Variants in GSTA2 observed in about 807,000 individuals in gnomAD.
GSTA2 encodes the protein glutathione S-transferase A2.
GSTA2 carries 27 observed loss-of-function variants against 22.4 expected under a neutral mutation model. The observed-to-expected ratio is 1.21, with a 90% confidence interval of 0.89 to 1.67. The LOEUF (loss-of-function observed/expected upper bound fraction) is 1.67. Among genes scored for constraint, GSTA2 ranks in the 40% most tolerant of loss-of-function variants. The pLI, the probability that GSTA2 is intolerant of heterozygous loss-of-function variation, is 0.00. For synonymous variants in GSTA2, 121 were observed against 86.8 expected, an observed-to-expected ratio of 1.39 and a Z score of -2.19; for missense variants, 302 against 260.2, an observed-to-expected ratio of 1.16 and a Z score of -1.11.
At chr6:52,758,571 G>A (rs1339934175) in intron 1 of GSTA2, among the ~76,000 whole-genome samples, 3 of 152,186 alleles carry the variant, frequency 2.0e-5, no homozygotes, top group Admixed American at 2.0e-4. Flanking sequence ...CACTGACAGG[G>A]AGGACCGGCT....
chr6:52,751,859 T>G, intron 5 of GSTA2, 151 bp from the exon 6 acceptor site: 1 of 1,129,724 alleles, frequency 8.9e-7, no homozygotes, highest in Non-Finnish European at 1.3e-6. Flanking sequence ...ATTATCTGAA[T>G]GAATGAGATA....
At chr6:52,757,593 T>C (rs1194010796) in intron 2 of GSTA2, among the ~76,000 whole-genome samples, 2 of 152,226 alleles carry the variant, frequency 1.3e-5, no homozygotes, top group African/African-American at 4.8e-5. Context: ...ATGCCATAAA[T>C]TATTTTTTAC....
rs1271215122 is a variant in GSTA2 at position 52,754,984 on chromosome 6, G to C, written c.231C>G (p.Ser77Arg). The C allele has an allele frequency of 6.2e-6, 10 of 1,614,032 alleles. No homozygotes were observed. The highest frequency in any genetic ancestry group is 1.1e-5 in the South Asian group (1 of 91,078). The part of the protein sequence containing the change: ...QTRAILNYIA[S>R]KYNLYGKDIK... ...TGTCTTTCCCATAGAGGTTGTATTT[G>C]CTGGCAATGTAGTTGAGAATGGCTC... Residue 77 changes from serine (S) to arginine (R), a missense_variant, in exon 4 of 7, where the codon AGC becomes AGG. Ser to Arg is a moderately radical substitution (Grantham distance 110). Coordinates refer to ENST00000493422, the MANE Select transcript of GSTA2 (RefSeq NM_000846.5).
At chr6:52,762,123 C>G (rs1223619419) in intron 1 of GSTA2, among the ~76,000 whole-genome samples, 1 of 148,554 alleles carries the variant, frequency 6.7e-6, no homozygotes, top group Non-Finnish European at 1.5e-5. Flanking sequence ...CAAAACACTG[C>G]GGAAGGCCGC....
In GSTA2 at chr6:52,752,995, C is replaced by A; in HGVS notation, c.273G>T (p.Leu91=). 6.3e-7 allele frequency: 1 copy of A among 1,587,122 alleles called. No individual in the cohort carries two copies. The highest frequency in any genetic ancestry group is 8.6e-7 in the Non-Finnish European group (1 of 1,168,250). Residue 91 remains leucine (L), a splice_region_variant and synonymous_variant, in exon 5 of 7, where the codon CTG becomes CTT. Coordinates refer to ENST00000493422, the MANE Select transcript of GSTA2 (RefSeq NM_000846.5). ...CTATACCTTCTATATACATATCAAT[C>A]CTGAAAGACAAAAACAACCAAATGG... ...LYGKDIKEKA[L]IDMYIEGIAD...
At chr6:52,756,430 A>G (rs1561895773) in intron 2 of GSTA2, 121 bp from the exon 3 acceptor site, 3 of 785,810 alleles carry the variant, frequency 3.8e-6, no homozygotes, top group Non-Finnish European at 4.3e-6. Flanking sequence ...TTGGCAGGGT[A>G]CACAGAGGGG....
At chr6:52,755,214 A>AAT (rs1762817705) in intron 3 of GSTA2, 139 bp from the exon 4 acceptor site, 50 of 873,956 alleles carry the variant, frequency 5.7e-5, no homozygotes, top group Middle Eastern at 2.8e-4. Flanking sequence ...ACTTGAAACA[A>AAT]CTTTTTTTTT....
At chr6:52,759,161 A>T (rs1304597444) in intron 1 of GSTA2, among the ~76,000 whole-genome samples, 1 of 152,218 alleles carries the variant, frequency 6.6e-6, no homozygotes, top group African/African-American at 2.4e-5. Context: ...GTAATGTTTC[A>T]TGAGTTGTTA....
intron 4 of GSTA2, among the ~76,000 whole-genome samples, chr6:52,753,386 G>C (rs984228073): frequency 4.6e-5 from 7 of 152,122 alleles, no homozygotes; most frequent in African/African-American, 1.7e-4. Flanking sequence ...AACTTAGTGT[G>C]AGTCAAATGG....
intron 2 of GSTA2, 38 bp from the exon 3 acceptor site, chr6:52,756,347 A>G (rs767126844): frequency 1.1e-5 from 17 of 1,483,310 alleles, no homozygotes; most frequent in East Asian, 2.3e-5. Flanking sequence ...TTGTTAGTTC[A>G]TTCTATTATA....
intron 3 of GSTA2, 23 bp from the exon 4 acceptor site, chr6:52,755,098 G>T: frequency 6.2e-7 from 1 of 1,613,816 alleles, no homozygotes; most frequent in Non-Finnish European, 8.5e-7. Context: ...GAAAAAAAAG[G>T]AGAGTGAAGT....
chr6:52,758,311 G>A (rs1263917445), intron 1 of GSTA2, among the ~76,000 whole-genome samples: 52 of 152,176 alleles, frequency 3.4e-4, no homozygotes, highest in Non-Finnish European at 1.2e-4. Context: ...AAACTTCCTA[G>A]TGATCCTTCC....
At chr6:52,753,803 C>G (rs901743515) in intron 4 of GSTA2, among the ~76,000 whole-genome samples, 9 of 152,160 alleles carry the variant, frequency 5.9e-5, no homozygotes, top group Non-Finnish European at 1.3e-4. Flanking sequence ...TAAAAATAAT[C>G]ACAGTCTAAT....
At chr6:52,756,045 T>C (rs1167172577) in intron 3 of GSTA2, among the ~76,000 whole-genome samples, 1 of 152,146 alleles carries the variant, frequency 6.6e-6, no homozygotes, top group African/African-American at 2.4e-5. Flanking sequence ...ATTGTTCCTC[T>C]AGCAAATACT....
At position 52,750,104 on chromosome 6, in the gene GSTA2, T is replaced by A. The variant is rs1403965986; in HGVS notation, c.*473A>T. Reference sequence around the variant, plus strand: ...CAGAATCGTTGTTTTGCAAATGCATTAGAAAGAATGCTTTTATCAGAAATA... The same window carrying A: ...CAGAATCGTTGTTTTGCAAATGCATAAGAAAGAATGCTTTTATCAGAAATA... On this transcript the variant is annotated 3_prime_UTR_variant, in exon 7 of 7. Transcript: ENST00000493422. 1.3e-5 allele frequency: 2 copies of A among 156,490 alleles called. No individual in the cohort carries two copies. The highest frequency in any genetic ancestry group is 4.8e-5 in the African/African-American group (2 of 41,460). 9.7% of individuals were successfully genotyped at this position (156,490 alleles called of 1,614,324 possible). A position where few individuals can be genotyped will look rare whatever the true frequency, so the allele number is the denominator to read the frequency against.
At chr6:52,751,005 G>C (rs1762725825) in intron 6 of GSTA2, among the ~76,000 whole-genome samples, 1 of 152,178 alleles carries the variant, frequency 6.6e-6, no homozygotes, top group South Asian at 2.1e-4. Context: ...GTGCTTGTTT[G>C]ATATCAGCAC....
intron 1 of GSTA2, among the ~76,000 whole-genome samples, chr6:52,761,468 T>TAATGTCAAGTAC (rs1561898272): frequency 1.3e-5 from 2 of 151,082 alleles, no homozygotes; most frequent in Admixed American, 1.4e-4. Flanking sequence ...CTATATTTTG[T>TAATGTCAAGTAC]CCGTAGAACT....
intron 1 of GSTA2, among the ~76,000 whole-genome samples, chr6:52,762,859 T>G (rs866890294): frequency 2.8e-4 from 43 of 152,288 alleles, no homozygotes; most frequent in African/African-American, 9.9e-4. Flanking sequence ...AATTACACAG[T>G]TCGCAGCAAC....
In GSTA2 at chr6:52,756,324, A is replaced by G. The variant is rs769467166; in HGVS notation, c.88-15T>C. 1.3e-6 allele frequency: 2 copies of G among 1,585,960 alleles called. No homozygotes were observed. The highest frequency in any genetic ancestry group is 1.1e-5 in the South Asian group (1 of 90,500). On this transcript the variant is annotated splice_polypyrimidine_tract_variant and intron_variant, in intron 2 of 6. Transcript: ENST00000493422. ...TTCTCTTCAAACTGGAAGCAGAAAC[A>G]GTAAATATGTTCTTGTTAGTTCATT...
Sources: allele counts gnomAD v4.1 joint callset (sites outside exome capture counted in the v4.1 genomes callset), GRCh38; gene constraint gnomAD v4.1.1; transcripts MANE v1.5; gene names NCBI Gene and HGNC (gene_info 2026-07-23, HGNC 2026-07-21).